CADM2: variants seen among roughly 807,000 people sequenced by gnomAD.
CADM2 encodes cell adhesion molecule 2.
In CADM2, 12 loss-of-function variants were observed where a neutral mutation model predicts 49.8. That is an observed-to-expected ratio of 0.24 (90% confidence interval 0.15 to 0.39). The LOEUF is 0.39. Among genes scored for constraint, CADM2 ranks in the 10% least tolerant of loss-of-function variants. CADM2 has a pLI of 1.00. For synonymous variants in CADM2, 214 were observed against 175.4 expected (o/e 1.22, Z -1.74); for missense variants, 378 against 492.3 (o/e 0.77, Z 2.20).
intron 7 of CADM2, among the ~76,000 whole-genome samples, chr3:85,943,393 G>T (rs1439230759): frequency 1.4e-5 from 2 of 145,112 alleles, no homozygotes; most frequent in Non-Finnish European, 3.0e-5. Flanking sequence ...TGGTGTTTTA[G>T]ACATGAAGTC....
intron 1 of CADM2, among the ~76,000 whole-genome samples, chr3:85,439,155 CTTTT>C (rs373522509): frequency 2.1e-5 from 3 of 141,034 alleles, no homozygotes; most frequent in Admixed American, 7.2e-5. Flanking sequence ...CTTATAATGA[CTTTT>C]TTTTTTTTTT....
intron 1 of CADM2, among the ~76,000 whole-genome samples, chr3:85,489,187 A>G (rs1246041147): frequency 6.6e-6 from 1 of 152,174 alleles, no homozygotes; most frequent in Non-Finnish European, 1.5e-5. Context: ...CATCATTTTT[A>G]TAAGTTGAAA....
intron 8 of CADM2, chr3:85,992,880 A>G (rs1191728404): frequency 1.3e-5 from 2 of 152,184 alleles, no homozygotes; most frequent in Non-Finnish European, 2.9e-5. Flanking sequence ...GGTTTGACAC[A>G]TTGATTGATT....
intron 5 of CADM2, among the ~76,000 whole-genome samples, chr3:85,898,350 C>T (rs1252243807): frequency 6.6e-6 from 1 of 151,892 alleles, no homozygotes; most frequent in Admixed American, 6.6e-5. Context: ...TAAGTTTTGA[C>T]AAATGTCTGT....
At chr3:85,376,685 AT>A in intron 1 of CADM2, among the ~76,000 whole-genome samples, 1 of 152,130 alleles carries the variant, frequency 6.6e-6, no homozygotes, top group Non-Finnish European at 1.5e-5. Flanking sequence ...TCCTGATAAT[AT>A]TTTTAAAGGA....
chr3:85,723,059 T>G (rs2067564133), intron 1 of CADM2, among the ~76,000 whole-genome samples: 1 of 152,202 alleles, frequency 6.6e-6, no homozygotes, highest in South Asian at 2.1e-4. Context: ...CATAAATAGC[T>G]ATGGTAATTA....
intron 8 of CADM2, among the ~76,000 whole-genome samples, chr3:86,059,360 A>G (rs1738354584): frequency 6.6e-6 from 1 of 152,158 alleles, no homozygotes; most frequent in Non-Finnish European, 1.5e-5. Context: ...GTAAATATTT[A>G]AAATTACTGA....
intron 1 of CADM2, among the ~76,000 whole-genome samples, chr3:84,960,673 A>T (rs1209651356): frequency 6.6e-6 from 1 of 152,172 alleles, no homozygotes; most frequent in Non-Finnish European, 1.5e-5. Flanking sequence ...AAACGCTGTT[A>T]TTATGCAAAT....
intron 1 of CADM2, among the ~76,000 whole-genome samples, chr3:85,547,367 A>T (rs576363700): frequency 2.0e-5 from 3 of 152,348 alleles, no homozygotes; most frequent in African/African-American, 7.2e-5. Context: ...AGAAAATATG[A>T]AGTGAATTAT....
chr3:86,018,843 T>C (rs1262950869), intron 8 of CADM2, among the ~76,000 whole-genome samples: 2 of 151,350 alleles, frequency 1.3e-5, no homozygotes, highest in Admixed American at 1.3e-4. Flanking sequence ...TTCACTCTGA[T>C]GGTAGTTTCT....
At chr3:85,661,889 A>G (rs75027492) in intron 1 of CADM2, among the ~76,000 whole-genome samples, 22,878 of 152,070 alleles carry the variant, frequency 0.15, 1,838 homozygotes, top group African/African-American at 0.19. Context: ...GACAGTAAAT[A>G]TAAATACATG....
chr3:85,942,415 T>C (rs1193917496), intron 7 of CADM2, among the ~76,000 whole-genome samples: 1 of 151,816 alleles, frequency 6.6e-6, no homozygotes. Context: ...AAATGTGCCA[T>C]GCTGGTGCGC....
intron 1 of CADM2, among the ~76,000 whole-genome samples, chr3:85,190,694 G>T (rs1328288731): frequency 6.6e-6 from 1 of 152,116 alleles, no homozygotes; most frequent in Non-Finnish European, 1.5e-5. Context: ...GCAAATTAAT[G>T]TACATCAATC....
At chr3:85,791,612 C>T (rs1398490067) in intron 2 of CADM2, among the ~76,000 whole-genome samples, 3 of 148,910 alleles carry the variant, frequency 2.0e-5, no homozygotes, top group South Asian at 4.3e-4. Flanking sequence ...CAAAAAAAAA[C>T]TGAAAATAGT....
At chr3:85,354,438 G>T (rs1178624905) in intron 1 of CADM2, among the ~76,000 whole-genome samples, 1 of 151,256 alleles carries the variant, frequency 6.6e-6, no homozygotes, top group Non-Finnish European at 1.5e-5. Flanking sequence ...CACCAACATG[G>T]CACATGTATA....
chr3:85,885,476 G>A (rs112782103), intron 4 of CADM2, among the ~76,000 whole-genome samples: 22 of 151,962 alleles, frequency 1.4e-4, no homozygotes, highest in African/African-American at 5.3e-4. Context: ...TTCGAGACCA[G>A]CCTGGCCAAC....
chr3:85,509,011 T>A (rs1400880691), intron 1 of CADM2, among the ~76,000 whole-genome samples: 2 of 152,168 alleles, frequency 1.3e-5, no homozygotes, highest in African/African-American at 4.8e-5. Context: ...ATATTTTAAT[T>A]GATGTTTTTA....
intron 8 of CADM2, among the ~76,000 whole-genome samples, chr3:86,021,566 T>A (rs1171047986): frequency 6.6e-6 from 1 of 152,150 alleles, no homozygotes; most frequent in African/African-American, 2.4e-5. Context: ...TTTAGCTTAA[T>A]GTATGGTTTC....
At chr3:85,979,888 A>T (rs1727261157) in intron 8 of CADM2, among the ~76,000 whole-genome samples, 1 of 151,654 alleles carries the variant, frequency 6.6e-6, no homozygotes, top group Admixed American at 6.6e-5. Flanking sequence ...TGGCTCCATG[A>T]GTAATTTCTG....
Sources: gnomAD v4.1 joint callset for allele counts (sites outside exome capture counted in the v4.1 genomes callset) on GRCh38, gnomAD v4.1.1 for gene constraint, MANE v1.5 for transcripts, NCBI Gene and HGNC (gene_info 2026-07-23, HGNC 2026-07-21) for gene names.